The following TGFBR3 variants were observed in gnomAD, a reference collection of about 807,000 sequenced individuals.
The protein encoded by TGFBR3 is transforming growth factor beta receptor type 3.
Under a neutral mutation model 87.9 loss-of-function variants are expected in TGFBR3, and 46 were observed. The observed-to-expected ratio is 0.52, with a 90% confidence interval of 0.41 to 0.67. The LOEUF (loss-of-function observed/expected upper bound fraction) is 0.67. Among genes scored for constraint, TGFBR3 ranks in the 30% least tolerant of loss-of-function variants. The pLI is 0.00. For synonymous variants in TGFBR3, 381 were observed against 391.6 expected, an observed-to-expected ratio of 0.97 and a Z score of 0.32; for missense variants, 866 against 1,041.9, an observed-to-expected ratio of 0.83 and a Z score of 2.32.
intron 3 of TGFBR3, among the ~76,000 whole-genome samples, chr1:91,766,198 C>CTTTTTTTTTTTTTT (rs749978314): frequency 8.7e-6 from 1 of 114,434 alleles, no homozygotes; most frequent in Non-Finnish European, 1.7e-5. Context: ...AGTTTGTTTT[C>CTTTTTTTTTTTTTT]TTTTTTTTTT....
At chr1:91,854,075 G>A (rs1242070743) in intron 2 of TGFBR3, among the ~76,000 whole-genome samples, 2 of 152,208 alleles carry the variant, frequency 1.3e-5, no homozygotes, top group Non-Finnish European at 2.9e-5. Context: ...AGGCTGGGGA[G>A]TGGGGGTGGA....
At chr1:91,790,986 G>A (rs566092155) in intron 3 of TGFBR3, among the ~76,000 whole-genome samples, 127 of 152,264 alleles carry the variant, frequency 8.3e-4, no homozygotes, top group Non-Finnish European at 1.6e-3. Context: ...TAATATTGTG[G>A]AAATGGGGAA....
In TGFBR3 at chr1:91,687,346, AAAAAAAGAAGC is replaced by A. The variant is rs1411294881; in HGVS notation, c.2438-3500_2438-3490del. ...CCCTGTCTCTACCAGGGGGAAGAAGAAAAAAAGAAGCAAAAACAAACAAACAAAAAACATTT... is the reference window on the plus strand; with the variant it reads ...CCCTGTCTCTACCAGGGGGAAGAAGAAAAAACAAACAAACAAAAAACATTT... On this transcript the variant is annotated intron_variant, in intron 16 of 16. Coordinates refer to ENST00000212355, the MANE Select transcript of TGFBR3 (RefSeq NM_003243.5). Among the ~76,000 whole-genome samples the A allele has an allele frequency of 5.9e-5, 9 of 152,172 alleles. No homozygotes were observed. The East Asian group carries it at 1.7e-3, about 29-fold the overall frequency.
At chr1:91,899,534 C>T (rs967783668) in intron 2 of TGFBR3, 4 of 151,694 alleles carry the variant, frequency 2.6e-5, no homozygotes, top group Non-Finnish European at 4.4e-5. Flanking sequence ...CACATTATGC[C>T]ATGTAAGCAC....
intron 2 of TGFBR3, among the ~76,000 whole-genome samples, chr1:91,799,856 A>T (rs772648317): frequency 6.6e-6 from 1 of 152,122 alleles, no homozygotes; most frequent in Non-Finnish European, 1.5e-5. Context: ...ATCAAATAAT[A>T]AGGTACTCCC....
At chr1:91,902,793 C>T (rs539803052) in intron 1 of TGFBR3, among the ~76,000 whole-genome samples, 3 of 151,996 alleles carry the variant, frequency 2.0e-5, no homozygotes, top group South Asian at 2.1e-4. Flanking sequence ...ATTTCACACA[C>T]GGATGATGGA....
intron 12 of TGFBR3, among the ~76,000 whole-genome samples, chr1:91,712,982 G>A (rs1672036335): frequency 6.6e-6 from 1 of 152,168 alleles, no homozygotes; most frequent in Non-Finnish European, 1.5e-5. Flanking sequence ...AGAGTTCAGC[G>A]GCAAAATCTA....
At chr1:91,858,054 G>T (rs1678026641) in intron 2 of TGFBR3, among the ~76,000 whole-genome samples, 1 of 152,116 alleles carries the variant, frequency 6.6e-6, no homozygotes, top group Admixed American at 6.5e-5. Context: ...CCTTAAGAAA[G>T]TTATTTGACC....
intron 13 of TGFBR3, among the ~76,000 whole-genome samples, chr1:91,708,988 G>T (rs1409785769): frequency 6.6e-6 from 1 of 152,206 alleles, no homozygotes; most frequent in Non-Finnish European, 1.5e-5. Flanking sequence ...GGTTGTACCT[G>T]AAGATGCAAA....
At chr1:91,856,000 G>C (rs1387432796) in intron 2 of TGFBR3, among the ~76,000 whole-genome samples, 1 of 151,874 alleles carries the variant, frequency 6.6e-6, no homozygotes, top group Admixed American at 6.6e-5. Flanking sequence ...CAAGAGCACA[G>C]TCCACCCTCC....
chr1:91,686,823 C>T (rs1484788850), intron 16 of TGFBR3, among the ~76,000 whole-genome samples: 2 of 152,190 alleles, frequency 1.3e-5, no homozygotes, highest in East Asian at 3.9e-4. Context: ...TATAACAAGG[C>T]TGCTCCTAAA....
intron 4 of TGFBR3, among the ~76,000 whole-genome samples, chr1:91,737,607 T>C (rs1304117240): frequency 1.3e-5 from 2 of 152,182 alleles, no homozygotes; most frequent in Non-Finnish European, 2.9e-5. Context: ...ATTCATTTTT[T>C]ATACACTAGT....
intron 2 of TGFBR3, among the ~76,000 whole-genome samples, chr1:91,835,404 C>T (rs1677020910): frequency 1.3e-5 from 2 of 152,168 alleles, no homozygotes; most frequent in African/African-American, 4.8e-5. Flanking sequence ...TAGCACAACA[C>T]AAGGAAGAAT....
At chr1:91,727,497 G>A (rs6678980) in intron 7 of TGFBR3, among the ~76,000 whole-genome samples, 162 bp downstream of exon 7, 2,099 of 152,238 alleles carry the variant, frequency 0.014, 54 homozygotes, top group African/African-American at 0.049. Flanking sequence ...TTGAACAACC[G>A]CACCTATTTT....
rs1198439554 is a variant in TGFBR3 at position 91,683,055 on chromosome 1, G to A, written c.*684C>T. 3 of 454,390 alleles carry A rather than the reference G, an allele frequency of 6.6e-6. No individual in the cohort carries two copies. The highest frequency in any genetic ancestry group is 6.0e-5 in the African/African-American group (3 of 49,976). 28.1% of individuals were successfully genotyped at this position (454,390 alleles called of 1,614,324 possible). A position where few individuals can be genotyped will look rare whatever the true frequency, so the allele number is the denominator to read the frequency against. ...ATTTTGCAGTGGTGTATGCAAGTAT[G>A]GGAAGAAACAGGAAGCTGATAAGGT... On this transcript the variant is annotated 3_prime_UTR_variant, in exon 17 of 17. Transcript: ENST00000212355.
In TGFBR3 at chr1:91,782,487, T is replaced by C. The variant is rs993602314; in HGVS notation, c.246+14800A>G. Among the ~76,000 whole-genome samples, 6 of 152,212 alleles carry C rather than the reference T, an allele frequency of 3.9e-5. No individual in the cohort carries two copies. The East Asian group carries it at 9.6e-4, about 24-fold the overall frequency. On this transcript the variant is annotated intron_variant, in intron 3 of 16. Coordinates refer to ENST00000212355, the MANE Select transcript of TGFBR3 (RefSeq NM_003243.5). ...GGCTTTCTCCTTTACCTTCAGAAAC[T>C]GCTGCCTCCCAAGGAAAGCACTGCT...
Position 91,766,080 on chromosome 1 carries a change from TG to T in TGFBR3, c.247-7331del, listed in dbSNP as rs1166216414. 3.3e-5 allele frequency among the ~76,000 whole-genome samples: 5 copies of T among 152,154 alleles called. No individual in the cohort carries two copies. The East Asian group carries it at 9.7e-4, about 29-fold the overall frequency. ...TCTCACTCTGTCGCCCAGGCTGGAG[TG>T]CAGTTGCACAATCAGAGCTCACCGT... On this transcript the variant is annotated intron_variant, in intron 3 of 16. Transcript: ENST00000212355.
At chr1:91,780,924 C>G (rs1303070812) in intron 3 of TGFBR3, among the ~76,000 whole-genome samples, 1 of 138,512 alleles carries the variant, frequency 7.2e-6, no homozygotes. Flanking sequence ...CACACACACA[C>G]ACACACACAG....
intron 4 of TGFBR3, among the ~76,000 whole-genome samples, chr1:91,739,537 G>C (rs1490889682): frequency 6.6e-6 from 1 of 152,182 alleles, no homozygotes; most frequent in Non-Finnish European, 1.5e-5. Context: ...GGTTGACCAA[G>C]ACAAGGCTGA....
Sources: gnomAD v4.1 joint callset for allele counts (sites outside exome capture counted in the v4.1 genomes callset) on GRCh38, gnomAD v4.1.1 for gene constraint, MANE v1.5 for transcripts, NCBI Gene and HGNC (gene_info 2026-07-23, HGNC 2026-07-21) for gene names.